COL25A1: variants seen among roughly 807,000 people sequenced by gnomAD.
COL25A1 encodes the protein collagen type XXV alpha 1 chain, also known as collagen alpha-1(XXV) chain.
A neutral mutation model predicts 128.4 loss-of-function variants in COL25A1; 103 were observed. The observed-to-expected ratio is 0.80, with a 90% CI of 0.68 to 0.94. The LOEUF (loss-of-function observed/expected upper bound fraction) is 0.94, where lower values mean the gene tolerates loss of function less well. COL25A1 is among the 40% of genes least tolerant of loss of function. The pLI, the probability that COL25A1 is intolerant of heterozygous loss-of-function variation, is 0.00. For missense variants in COL25A1, 745 were observed against 840.0 expected, an observed-to-expected ratio of 0.89 and a Z score of 1.40; for synonymous variants, 279 against 277.2, an observed-to-expected ratio of 1.01 and a Z score of -0.06.
At chr4:109,084,109 C>A (rs757530930) in intron 3 of COL25A1, among the ~76,000 whole-genome samples, 26 of 152,192 alleles carry the variant, frequency 1.7e-4, no homozygotes, top group Non-Finnish European at 2.8e-4. Flanking sequence ...AGAGCTTCCT[C>A]ATTTTAAGTC....
intron 6 of COL25A1, among the ~76,000 whole-genome samples, chr4:109,002,491 T>C (rs149103770): frequency 6.6e-6 from 1 of 152,302 alleles, no homozygotes; most frequent in Non-Finnish European, 1.5e-5. Flanking sequence ...CTAATTTATA[T>C]GTGAAATCTA....
At chr4:108,824,680 T>G (rs187484479) in intron 34 of COL25A1, among the ~76,000 whole-genome samples, 1 of 152,356 alleles carries the variant, frequency 6.6e-6, no homozygotes, top group East Asian at 1.9e-4. Flanking sequence ...AGTATTACTT[T>G]TGGTATTCTC....
chr4:109,246,016 C>CAAAAAAAA lies in COL25A1; in HGVS notation c.367+54559_367+54566dup, dbSNP rs772260651. 1.6e-3 allele frequency among the ~76,000 whole-genome samples: 105 copies of CAAAAAAAA among 65,566 alleles called. 1 individual carries two copies. Among genetic ancestry groups the CAAAAAAAA allele is most frequent in the African/African-American group, 4.9e-3 (98 of 20,012 alleles). The allele number at this position is 65,566 out of a possible 152,430, so 43.0% of individuals were successfully genotyped here. On this transcript the variant is annotated intron_variant, in intron 3 of 37. Coordinates refer to ENST00000399132, the MANE Select transcript of COL25A1 (RefSeq NM_198721.4). ...CTCTAGTTGCTTTTTTGTTAAAAAG[C>CAAAAAAAA]AAAAAAAAAAAAAAAAAAAATTTAA...
intron 3 of COL25A1, among the ~76,000 whole-genome samples, chr4:109,070,457 G>A (rs1720714601): frequency 6.6e-6 from 1 of 151,570 alleles, no homozygotes; most frequent in Non-Finnish European, 1.5e-5. Flanking sequence ...TTAAGTAGAT[G>A]TTTCATTTTA....
At chr4:109,203,584 C>A (rs184085848) in intron 3 of COL25A1, among the ~76,000 whole-genome samples, 2 of 152,160 alleles carry the variant, frequency 1.3e-5, no homozygotes, top group East Asian at 3.9e-4. Flanking sequence ...GAACTGAGAA[C>A]TCCCGCAGGA....
chr4:109,206,502 A>G (rs774226222), intron 3 of COL25A1, among the ~76,000 whole-genome samples: 3 of 152,186 alleles, frequency 2.0e-5, no homozygotes, highest in Non-Finnish European at 4.4e-5. Context: ...TTTGCTGAAC[A>G]GCCCTAGAGA....
chr4:109,028,010 T>C (rs1248018189), intron 5 of COL25A1, among the ~76,000 whole-genome samples: 4 of 152,268 alleles, frequency 2.6e-5, no homozygotes, highest in African/African-American at 7.2e-5. Context: ...CTTTGACACA[T>C]AGATAATAGT....
intron 3 of COL25A1, among the ~76,000 whole-genome samples, chr4:109,054,156 T>C (rs574689685): frequency 2.6e-5 from 4 of 152,326 alleles, no homozygotes; most frequent in Admixed American, 2.0e-4. Context: ...TGTGATTCTA[T>C]TTGAGAATTT....
intron 3 of COL25A1, among the ~76,000 whole-genome samples, chr4:109,155,017 G>A (rs1771898716): frequency 6.6e-6 from 1 of 152,056 alleles, no homozygotes; most frequent in Non-Finnish European, 1.5e-5. Context: ...GGATCTTTCT[G>A]ACTACAAAGG....
intron 3 of COL25A1, among the ~76,000 whole-genome samples, chr4:109,294,901 T>A (rs984589401): frequency 6.6e-6 from 1 of 152,056 alleles, no homozygotes; most frequent in East Asian, 1.9e-4. Flanking sequence ...TCCATTCACC[T>A]AATCCTGTTA....
At chr4:109,008,604 CT>C (rs1756267777) in intron 6 of COL25A1, among the ~76,000 whole-genome samples, 1 of 152,118 alleles carries the variant, frequency 6.6e-6, no homozygotes, top group African/African-American at 2.4e-5. Flanking sequence ...CTTTTATCAT[CT>C]GCTGTCTCAC....
intron 5 of COL25A1, among the ~76,000 whole-genome samples, chr4:109,030,096 C>T (rs1247426440): frequency 6.6e-6 from 1 of 152,142 alleles, no homozygotes; most frequent in Non-Finnish European, 1.5e-5. Flanking sequence ...AAATAAATGG[C>T]CAAGCCTCAT....
At chr4:108,844,644 G>T (rs1734869783) in intron 29 of COL25A1, 75 bp from the exon 30 acceptor site, 2 of 1,556,148 alleles carry the variant, frequency 1.3e-6, no homozygotes, top group African/African-American at 1.4e-5. Flanking sequence ...TCTTGTGCTG[G>T]GGTTCTGCTA....
rs900185268 is a variant in COL25A1 at position 108,812,199 on chromosome 4, A to T, written c.*1728T>A. ...TAGGTAAAGTTTGAGCAAGTAGATG[A>T]AAAATATTTTCTTTATGGCAACTAT... On this transcript the variant is annotated 3_prime_UTR_variant, in exon 38 of 38. Coordinates refer to ENST00000399132, the MANE Select transcript of COL25A1 (RefSeq NM_198721.4). 1.3e-5 allele frequency: 2 copies of T among 152,204 alleles called. No homozygotes were observed. Among genetic ancestry groups the T allele is most frequent in the Admixed American group, 1.3e-4 (2 of 15,278 alleles). The allele number at this position is 152,204 out of a possible 1,614,324, so 9.4% of individuals were successfully genotyped here.
intron 19 of COL25A1, among the ~76,000 whole-genome samples, chr4:108,881,150 C>T (rs1379795480): frequency 2.6e-5 from 4 of 152,046 alleles, no homozygotes; most frequent in East Asian, 1.9e-4. Flanking sequence ...AAGAGTAGCT[C>T]GAAATTAAGT....
chr4:109,194,252 T>C (rs1775841900), intron 3 of COL25A1, among the ~76,000 whole-genome samples: 1 of 152,214 alleles, frequency 6.6e-6, no homozygotes, highest in South Asian at 2.1e-4. Flanking sequence ...AAAAAATGAA[T>C]ATTTGCAGGT....
intron 8 of COL25A1, among the ~76,000 whole-genome samples, chr4:108,945,667 ATTG>A (rs1162051163): frequency 6.6e-6 from 1 of 151,970 alleles, no homozygotes; most frequent in Admixed American, 6.6e-5. Context: ...AATTTTTGTT[ATTG>A]TTGTTGTTTT....
intron 3 of COL25A1, among the ~76,000 whole-genome samples, chr4:109,064,751 G>C (rs1382975652): frequency 6.6e-6 from 1 of 152,142 alleles, no homozygotes; most frequent in Admixed American, 6.5e-5. Context: ...CCAACAATAT[G>C]ATTCCATGAG....
chr4:108,912,265 G>C (rs1258745604), intron 13 of COL25A1, among the ~76,000 whole-genome samples: 1 of 152,032 alleles, frequency 6.6e-6, no homozygotes, highest in Non-Finnish European at 1.5e-5. Context: ...GCTTCTTTTA[G>C]AAGAAAAGCA....
Sources: allele counts gnomAD v4.1 joint callset (sites outside exome capture counted in the v4.1 genomes callset), GRCh38; gene constraint gnomAD v4.1.1; transcripts MANE v1.5; gene names NCBI Gene and HGNC (gene_info 2026-07-23, HGNC 2026-07-21).